FAM185A: variants seen among roughly 807,000 people sequenced by gnomAD.
FAM185A encodes protein FAM185A.
In FAM185A, 21 loss-of-function variants were observed where a neutral mutation model predicts 45.7. The observed-to-expected ratio is 0.46, with a 90% CI of 0.33 to 0.66. The LOEUF is 0.66. Ranked by LOEUF, FAM185A falls within the 30% of genes least tolerant of loss-of-function variation. The pLI is 0.03. For missense variants in FAM185A, 305 were observed against 485.4 expected (o/e 0.63, Z 3.49); for synonymous variants, 117 against 194.0 (o/e 0.60, Z 3.30).
At chr7:102,751,500 T>C (rs1172890119) in intron 1 of FAM185A, among the ~76,000 whole-genome samples, 192 bp from the exon 2 acceptor site, 2 of 151,408 alleles carry the variant, frequency 1.3e-5, no homozygotes, top group African/African-American at 4.9e-5. Flanking sequence ...CTGCTCTGTT[T>C]CTAAAAACGG....
intron 7 of FAM185A, among the ~76,000 whole-genome samples, chr7:102,802,950 C>T (rs1796881919): frequency 6.6e-6 from 1 of 151,912 alleles, no homozygotes; most frequent in Non-Finnish European, 1.5e-5. Flanking sequence ...TGGATAAATT[C>T]CTGGAAAGAT....
chr7:102,800,655 A>T (rs1289135237), intron 7 of FAM185A, among the ~76,000 whole-genome samples: 10 of 152,226 alleles, frequency 6.6e-5, no homozygotes. Flanking sequence ...AAGAGCTCGA[A>T]GACAAGGTCT....
intron 4 of FAM185A, among the ~76,000 whole-genome samples, chr7:102,764,965 C>T (rs1346614559): frequency 6.6e-6 from 1 of 152,252 alleles, no homozygotes; most frequent in Non-Finnish European, 1.5e-5. Flanking sequence ...TGGTTGAAAG[C>T]AAACATGTAT....
At chr7:102,812,203 A>C (rs1797473312), downstream of FAM185A, among the ~76,000 whole-genome samples, 1 of 152,220 alleles carries the variant, frequency 6.6e-6, no homozygotes. Context: ...CATAATATCA[A>C]ATAATGGTAA....
the FAM185A span, among the ~76,000 whole-genome samples, chr7:102,839,820 T>C: frequency 1.3e-5 from 2 of 152,030 alleles, no homozygotes; most frequent in Admixed American, 6.6e-5. Context: ...AGGCATAAAC[T>C]ATTCAAATAT....
At chr7:102,826,765 ATATATATG>A in the FAM185A span, among the ~76,000 whole-genome samples, 2 of 114,846 alleles carry the variant, frequency 1.7e-5, no homozygotes, top group Non-Finnish European at 3.4e-5. Context: ...ATATATATAT[ATATATATG>A]TATATATATC....
At chr7:102,807,709 C>T (rs1048388568) in intron 7 of FAM185A, among the ~76,000 whole-genome samples, 7 of 149,020 alleles carry the variant, frequency 4.7e-5, no homozygotes, top group African/African-American at 9.9e-5. Flanking sequence ...GTAAGGAGTT[C>T]GAGACCTGCC....
chr7:102,822,768 G>C, the FAM185A span, among the ~76,000 whole-genome samples: 61 of 152,194 alleles, frequency 4.0e-4, no homozygotes, highest in South Asian at 1.0e-3. Flanking sequence ...GCCTCAAGTA[G>C]CACCAATAGA....
At chr7:102,787,210 T>C in intron 6 of FAM185A, 125 bp from the exon 7 acceptor site, 1 of 953,908 alleles carries the variant, frequency 1.0e-6, no homozygotes, top group Non-Finnish European at 1.4e-6. Flanking sequence ...TTTAAATAAA[T>C]ACTGTATGCT....
intron 7 of FAM185A, among the ~76,000 whole-genome samples, chr7:102,802,401 T>C (rs1584365176): frequency 1.3e-5 from 2 of 152,256 alleles, no homozygotes; most frequent in East Asian, 1.9e-4. Context: ...TTCAAAACCA[T>C]GCAAATACAT....
chr7:102,764,140 A>G (rs1289556289), intron 4 of FAM185A, among the ~76,000 whole-genome samples: 5 of 151,666 alleles, frequency 3.3e-5, no homozygotes, highest in Non-Finnish European at 7.4e-5. Context: ...CTTTCACAGA[A>G]GTAACTGTAG....
At chr7:102,820,723 A>G in the FAM185A span, among the ~76,000 whole-genome samples, 1 of 152,236 alleles carries the variant, frequency 6.6e-6, no homozygotes, top group African/African-American at 2.4e-5. Flanking sequence ...GGCAGGAAAG[A>G]AGGAGCCCTA....
rs373366669 is a variant in FAM185A at position 102,749,446 on chromosome 7, G to T, written c.239G>T (p.Arg80Leu). ...AGCCCGTTTGGTCGGCTGCGGGCGCGGCTCCCGTGCCACCTGGCCGTGAGG... is the reference window on the plus strand; with the variant it reads ...AGCCCGTTTGGTCGGCTGCGGGCGCTGCTCCCGTGCCACCTGGCCGTGAGG... ...QVSPFGRLRA[R>L]LPCHLAVRPL... The change falls in exon 1 of 8, where the codon CGG becomes CTG. Residue 80 changes from arginine to leucine, a missense_variant. By Grantham distance (102) the Arg-to-Leu change is moderately radical. Transcript: ENST00000413034. The T allele has an allele frequency of 2.6e-6, 4 of 1,547,800 alleles. No homozygotes were observed. The highest frequency in any genetic ancestry group is 2.6e-6 in the Non-Finnish European group (3 of 1,146,148).
intron 5 of FAM185A, 69 bp from the exon 6 acceptor site, chr7:102,777,184 T>C: frequency 2.0e-6 from 3 of 1,532,824 alleles, no homozygotes; most frequent in Non-Finnish European, 2.6e-6. Flanking sequence ...GCAGAGCCTT[T>C]TATTTTAAGT....
chr7:102,763,597 C>T (rs538297122), intron 4 of FAM185A, among the ~76,000 whole-genome samples: 5 of 152,264 alleles, frequency 3.3e-5, no homozygotes, highest in South Asian at 4.1e-4. Context: ...AGGAGCTGGA[C>T]GTTTATATCC....
the FAM185A span, among the ~76,000 whole-genome samples, chr7:102,819,024 C>G: frequency 1.3e-5 from 2 of 152,138 alleles, no homozygotes; most frequent in Non-Finnish European, 2.9e-5. Context: ...CATCATTTAG[C>G]TCCCACTTAT....
chr7:102,751,502 T>C (rs1793361191), intron 1 of FAM185A, among the ~76,000 whole-genome samples, 190 bp from the exon 2 acceptor site: 1 of 151,172 alleles, frequency 6.6e-6, no homozygotes, highest in South Asian at 2.1e-4. Context: ...GCTCTGTTTC[T>C]AAAAACGGGC....
the FAM185A span, among the ~76,000 whole-genome samples, chr7:102,820,453 C>G: frequency 1.3e-5 from 2 of 152,128 alleles, no homozygotes; most frequent in Non-Finnish European, 2.9e-5. Flanking sequence ...TCTTACTATG[C>G]CTTGTTTTAT....
chr7:102,801,320 A>T (rs968510052), intron 7 of FAM185A, among the ~76,000 whole-genome samples: 5 of 147,836 alleles, frequency 3.4e-5, no homozygotes, highest in East Asian at 1.9e-4. Flanking sequence ...AATACAATTT[A>T]AAAAAAAAAC....
Sources: allele counts gnomAD v4.1 joint callset (sites outside exome capture counted in the v4.1 genomes callset), GRCh38; gene constraint gnomAD v4.1.1; transcripts MANE v1.5; gene names NCBI Gene and HGNC (gene_info 2026-07-23, HGNC 2026-07-21).